The following C1QTNF6 variants were observed in gnomAD, a reference collection of about 807,000 sequenced individuals.
C1QTNF6 encodes complement C1q tumor necrosis factor-related protein 6.
C1QTNF6 carries 17 observed loss-of-function variants against 20.7 expected under a neutral mutation model. That is an observed-to-expected ratio of 0.82 (90% CI 0.56 to 1.23). The LOEUF is 1.23. Among genes scored for constraint, C1QTNF6 ranks in the 50% most tolerant of loss-of-function variants. The probability of loss-of-function intolerance (pLI) is 0.00; values close to 1 mark genes in which losing one functional copy is unlikely to be tolerated. For synonymous variants in C1QTNF6, 130 were observed against 156.3 expected (o/e 0.83, Z 1.25); for missense variants, 329 against 389.7 (o/e 0.84, Z 1.31).
At position 37,184,308 on chromosome 22, in the gene C1QTNF6, C is replaced by A; in HGVS notation, c.289+910G>T. On this transcript the variant is annotated intron_variant, in intron 2 of 2. Coordinates refer to ENST00000337843, the MANE Select transcript of C1QTNF6 (RefSeq NM_031910.4). The surrounding 1 kb of genome is among the most constrained non-coding windows in gnomAD (Gnocchi z 4.0). ...CCAGGAGACTGGGTTTCCCCATCTG[C>A]AAAGTGGGAGGAATAAGAAAATATC... The A allele has an allele frequency of 1.4e-6, 1 of 713,478 alleles. No homozygotes were observed. Among genetic ancestry groups the A allele is most frequent in the Admixed American group, 2.0e-5 (1 of 49,926 alleles). The allele number at this position is 713,478 out of a possible 1,614,324, so 44.2% of individuals were successfully genotyped here.
intron 1 of C1QTNF6, chr22:37,197,568 G>A (rs1402072908): frequency 6.6e-6 from 1 of 152,236 alleles, no homozygotes; most frequent in East Asian, 1.9e-4. Flanking sequence ...CTTCACAGGT[G>A]AGGAGGCTGA....
chr22:37,195,549 C>T (rs562974229), intron 1 of C1QTNF6: 1 of 152,266 alleles, frequency 6.6e-6, no homozygotes, highest in African/African-American at 2.4e-5. Flanking sequence ...GGTGAGTCCA[C>T]AGAGTGAAGT....
chr22:37,196,162 CAA>C (rs965861586), intron 1 of C1QTNF6: 2 of 152,404 alleles, frequency 1.3e-5, no homozygotes, highest in African/African-American at 4.8e-5. Flanking sequence ...CCAGCTACAC[CAA>C]AGTCTTCTTC....
upstream of C1QTNF6, chr22:37,188,311 G>GAGAGGAGGGGATGGAGGGAT: frequency 8.9e-7 from 1 of 1,123,600 alleles, no homozygotes; most frequent in Non-Finnish European, 1.2e-6. Flanking sequence ...GATGGAGGGA[G>GAGAGGAGGGGATGGAGGGAT]AGAGGGCGGA....
chr22:37,196,644 G>C (rs2145785950), intron 1 of C1QTNF6: 2 of 152,386 alleles, frequency 1.3e-5, no homozygotes, highest in East Asian at 3.9e-4. Flanking sequence ...CTACAGAAGG[G>C]AAGACTCTCC....
upstream of C1QTNF6, chr22:37,197,832 G>A (rs1925239767): frequency 6.6e-6 from 1 of 152,320 alleles, no homozygotes; most frequent in Non-Finnish European, 1.5e-5. Context: ...TCCTCAGCTG[G>A]TCAGGTGGCC....
At position 37,182,574 on chromosome 22, in the gene C1QTNF6, T is replaced by C; in HGVS notation, c.451A>G (p.Lys151Glu). 6.2e-7 allele frequency: 1 copy of C among 1,614,084 alleles called. No homozygotes were observed. Among genetic ancestry groups the C allele is most frequent in the Non-Finnish European group, 8.5e-7 (1 of 1,180,032 alleles). ...TCCTCGCCGCTGTGCAGGGCCGTCT[T>C]GCGGCCCACTGAGAAGGCGAAGAAG... ...KRFFAFSVGR[K>E]TALHSGEDFQ... Residue 151 changes from lysine to glutamate, a missense_variant, in exon 3 of 3, where the codon AAG becomes GAG. Coordinates refer to ENST00000337843, the MANE Select transcript of C1QTNF6 (RefSeq NM_031910.4).
At chr22:37,194,668 A>T (rs1925033727) in intron 2 of C1QTNF6, among the ~76,000 whole-genome samples, 1 of 152,220 alleles carries the variant, frequency 6.6e-6, no homozygotes, top group Admixed American at 6.5e-5. Flanking sequence ...TGGGGAAACC[A>T]AATTAACATT....
chr22:37,185,316 T>C lies in C1QTNF6; in HGVS notation c.191A>G (p.Asp64Gly), dbSNP rs771294177. 5 of 1,612,090 alleles carry C rather than the reference T, an allele frequency of 3.1e-6. No homozygotes were observed. The Admixed American group carries it at 5.0e-5, about 16-fold the overall frequency. Residue 64 changes from aspartate (D) to glycine (G), a missense_variant, in exon 2 of 3, where the codon GAC becomes GGC. Asp to Gly is a moderately conservative substitution (Grantham distance 94, BLOSUM62 -1). Coordinates refer to ENST00000337843, the MANE Select transcript of C1QTNF6 (RefSeq NM_031910.4). ...SGCQRCCDSE[D>G]PLDPAHVSSA... ...GGATACATGGGCAGGATCCAGGGGG[T>C]CCTCAGAGTCACAGCACCGTTGGCA...
chr22:37,188,333 G>GAGAGAGGGCGGAGGGAGGGCGGAA (rs1924564925), upstream of C1QTNF6: 1 of 878,544 alleles, frequency 1.1e-6, no homozygotes, highest in African/African-American at 1.7e-5. Context: ...GGAGGGCGGA[G>GAGAGAGGGCGGAGGGAGGGCGGAA]GGAGAGGGCA....
chr22:37,182,965 A>T, intron 2 of C1QTNF6: 1 of 1,404,406 alleles, frequency 7.1e-7, no homozygotes, highest in Non-Finnish European at 9.3e-7. Flanking sequence ...CGGGCCACAC[A>T]GTGCAGGAGC....
chr22:37,189,986 G>A (rs1924705853), upstream of C1QTNF6, among the ~76,000 whole-genome samples: 1 of 152,160 alleles, frequency 6.6e-6, no homozygotes, highest in African/African-American at 2.4e-5. Context: ...TCCAATACAT[G>A]CTCAGAATTA....
At chr22:37,192,279 TATAAC>T (rs1276182218), upstream of C1QTNF6, among the ~76,000 whole-genome samples, 1 of 152,234 alleles carries the variant, frequency 6.6e-6, no homozygotes, top group Non-Finnish European at 1.5e-5. Flanking sequence ...CTCAATTACA[TATAAC>T]ATATTACGAT....
chr22:37,188,481 A>G (rs1042806263), upstream of C1QTNF6: 8 of 380,140 alleles, frequency 2.1e-5, no homozygotes, highest in East Asian at 8.5e-5. Flanking sequence ...AAAGGCCTAG[A>G]AAGTCAGAGC....
upstream of C1QTNF6, chr22:37,190,507 G>C (rs1207678254): frequency 6.6e-6 from 1 of 152,208 alleles, no homozygotes; most frequent in East Asian, 1.9e-4. Context: ...CTTACCACAG[G>C]TCAGGAACCC....
upstream of C1QTNF6, among the ~76,000 whole-genome samples, chr22:37,190,160 T>G (rs925319293): frequency 2.0e-5 from 3 of 152,220 alleles, no homozygotes; most frequent in East Asian, 5.8e-4. Context: ...GTGTACCATA[T>G]TTTTTGAAAC....
chr22:37,199,183 C>T (rs898152910), upstream of C1QTNF6: 2 of 152,288 alleles, frequency 1.3e-5, no homozygotes, highest in African/African-American at 4.8e-5. Flanking sequence ...CCAACCTCTC[C>T]CTTTCTCCCT....
Position 37,184,549 on chromosome 22 carries a change from T to C in C1QTNF6, c.289+669A>G, listed in dbSNP as rs56015113. 482 of 647,078 alleles carry C rather than the reference T, an allele frequency of 7.4e-4. 1 individual carries two copies. Among genetic ancestry groups the C allele is most frequent in the Middle Eastern group, 2.8e-3 (7 of 2,512 alleles). 40.1% of individuals were successfully genotyped at this position (647,078 alleles called of 1,614,324 possible). A position where few individuals can be genotyped will look rare whatever the true frequency, so the allele number is the denominator to read the frequency against. On this transcript the variant is annotated intron_variant, in intron 2 of 2. Transcript: ENST00000337843. The surrounding 1 kb of genome is among the most constrained non-coding windows in gnomAD (Gnocchi z 4.0). ...CTCACCTGGACAGCCCTCACCTGGA[T>C]GGCCCTCACCTGGACAGGCCCCACA...
At chr22:37,185,919 C>CA in intron 1 of C1QTNF6, 12 of 986,622 alleles carry the variant, frequency 1.2e-5, no homozygotes, top group Non-Finnish European at 1.4e-5. Flanking sequence ...CCAGCAAACA[C>CA]ATGCCCTCCG....
Sources: allele counts gnomAD v4.1 joint callset (sites outside exome capture counted in the v4.1 genomes callset), GRCh38; gene constraint gnomAD v4.1.1; non-coding constraint Gnocchi (gnomAD v3.1); transcripts MANE v1.5; gene names NCBI Gene and HGNC (gene_info 2026-07-23, HGNC 2026-07-21).